The following LRP2 variants were observed in gnomAD, a reference collection of about 807,000 sequenced individuals.
LRP2 encodes low-density lipoprotein receptor-related protein 2.
In LRP2, 172 loss-of-function variants were observed where a neutral mutation model predicts 531.0. The observed-to-expected ratio is 0.32, with a 90% CI of 0.29 to 0.37. The LOEUF is 0.37. Among genes scored for constraint, LRP2 ranks in the 10% least tolerant of loss-of-function variants. LRP2 has a pLI of 1.00. For synonymous variants in LRP2, 1,992 were observed against 2,027.6 expected (o/e 0.98, Z 0.47); for missense variants, 5,167 against 5,868.3 (o/e 0.88, Z 3.90).
chr2:169,348,295 G>T (rs753487334), intron 1 of LRP2, among the ~76,000 whole-genome samples: 2 of 152,142 alleles, frequency 1.3e-5, no homozygotes, highest in Non-Finnish European at 2.9e-5. Context: ...GTTACGTATG[G>T]AGTCCTCAAA....
At chr2:169,279,671 T>A in intron 11 of LRP2, 76 bp from the exon 12 acceptor site, 1 of 885,298 alleles carries the variant, frequency 1.1e-6, no homozygotes, top group Non-Finnish European at 1.8e-6. Flanking sequence ...TTTTTAGCTA[T>A]AATCAAATCA....
chr2:169,247,176 T>C (rs1196470185), intron 20 of LRP2, among the ~76,000 whole-genome samples, 190 bp from the exon 21 acceptor site: 1 of 152,106 alleles, frequency 6.6e-6, no homozygotes, highest in East Asian at 1.9e-4. Flanking sequence ...CCAAAATGTG[T>C]TTTTCCTGAC....
chr2:169,320,798 C>A lies in LRP2; in HGVS notation c.166G>T (p.Asp56Tyr). Reference protein sequence around the residue: ...RCDGTKDCSDDADEIGCAVVT... With the variant: ...RCDGTKDCSDYADEIGCAVVT... ...TTACCGCAGCCAATTTCATCCGCGT[C>A]ATCTGAACAGTCTTTGGTCCCATCA... is the stretch of plus-strand genomic sequence containing the variant. The change falls in exon 2 of 79, where the codon GAC (aspartate) becomes TAC (tyrosine). Residue 56 changes from aspartate to tyrosine, a missense_variant. By Grantham distance (160) the Asp-to-Tyr change is radical. Around this residue, in one of 6 missense-constraint regions of LRP2, gnomAD observed 2,811 missense variants for 3,058.0 expected, o/e 0.92. Coordinates refer to ENST00000649046, the MANE Select transcript of LRP2 (RefSeq NM_004525.3). 6 of 1,614,144 alleles carry A rather than the reference C, an allele frequency of 3.7e-6. No individual in the cohort carries two copies. The highest frequency in any genetic ancestry group is 5.1e-6 in the Non-Finnish European group (6 of 1,179,976).
At chr2:169,255,626 A>C (rs1407076276) in intron 19 of LRP2, among the ~76,000 whole-genome samples, 1 of 152,222 alleles carries the variant, frequency 6.6e-6, no homozygotes, top group Non-Finnish European at 1.5e-5. Flanking sequence ...AAAAAGTTTC[A>C]AAGTCATTCA....
chr2:169,176,887 C>T (rs530419378), intron 53 of LRP2, among the ~76,000 whole-genome samples: 3 of 152,248 alleles, frequency 2.0e-5, no homozygotes, highest in Non-Finnish European at 2.9e-5. Flanking sequence ...GTAAACTTAG[C>T]TTATGTTCAT....
intron 52 of LRP2, 74 bp downstream of exon 52, chr2:169,181,374 T>C (rs1056361608): frequency 1.2e-4 from 178 of 1,459,102 alleles, no homozygotes; most frequent in Middle Eastern, 1.8e-4. Context: ...AGGGGACTAA[T>C]AGACTGGAAT....
chr2:169,203,820 C>A (rs1329044084), intron 42 of LRP2, among the ~76,000 whole-genome samples, 162 bp downstream of exon 42: 1 of 152,172 alleles, frequency 6.6e-6, no homozygotes, highest in East Asian at 1.9e-4. Flanking sequence ...AAGAAGCCTG[C>A]CAAGTCTTCC....
chr2:169,261,402 T>A (rs1690544745), intron 16 of LRP2, among the ~76,000 whole-genome samples: 1 of 151,870 alleles, frequency 6.6e-6, no homozygotes, highest in Admixed American at 6.6e-5. Context: ...CATAGCCCAC[T>A]GCAGCCTCAA....
chr2:169,257,167 T>G lies in LRP2; in HGVS notation c.2596A>C (p.Asn866His). 6.2e-7 allele frequency: 1 copy of G among 1,612,962 alleles called. No individual in the cohort carries two copies. Residue 866 changes from asparagine to histidine, a missense_variant, in exon 18 of 79, where the codon AAC (asparagine) becomes CAC (histidine). This residue lies in a region of LRP2 where 2,811 missense variants were observed against 3,058.0 expected (regional missense o/e 0.92). Coordinates refer to ENST00000649046, the MANE Select transcript of LRP2 (RefSeq NM_004525.3). Reference sequence around the variant, plus strand: ...CCATTGGGCCATCCAAGAGTAGTGTTTATTACAGGCAAGAGGTGAGATCCG... The same window carrying G: ...CCATTGGGCCATCCAAGAGTAGTGTGTATTACAGGCAAGAGGTGAGATCCG... ...SDGSHLLPVI[N>H]TTLGWPNGLA...
At chr2:169,271,158 T>G in intron 15 of LRP2, 51 bp from the exon 16 acceptor site, 2 of 1,275,294 alleles carry the variant, frequency 1.6e-6, no homozygotes, top group Non-Finnish European at 2.3e-6. Flanking sequence ...TTCTTTTCTC[T>G]CCTCCCAAAT....
Position 169,312,297 on chromosome 2 carries a change from T to A in LRP2, c.311-4900A>T, listed in dbSNP as rs1167738149. ...TAGTTGATGCAGTTTCTTCCTAGCCTTGATGGTCTTTAGAATTTGGCATGT... is the reference window on the plus strand; with the variant it reads ...TAGTTGATGCAGTTTCTTCCTAGCCATGATGGTCTTTAGAATTTGGCATGT... On this transcript the variant is annotated intron_variant, in intron 3 of 78. Transcript: ENST00000649046. Among the ~76,000 whole-genome samples, 39 of 152,168 alleles carry A rather than the reference T, an allele frequency of 2.6e-4. No homozygotes were observed. The East Asian group carries it at 7.2e-3, about 28-fold the overall frequency.
chr2:169,293,104 G>A (rs952097616), intron 6 of LRP2, among the ~76,000 whole-genome samples: 5 of 152,084 alleles, frequency 3.3e-5, no homozygotes, highest in Non-Finnish European at 7.4e-5. Context: ...GGGTGATATC[G>A]AAAATATTTA....
rs1685166638 is a variant in LRP2, at chr2:169,128,328, A to G, written c.*335T>C. On this transcript the variant is annotated 3_prime_UTR_variant, in exon 79 of 79. Transcript: ENST00000649046. ...AATTCCTTTTCTTGTTGGATCATTT[A>G]CTATAATGATCACCAACCAAATCAG... 1 of 219,628 alleles carries G rather than the reference A, an allele frequency of 4.6e-6. No homozygotes were observed. Among genetic ancestry groups the G allele is most frequent in the Non-Finnish European group, 9.1e-6 (1 of 109,514 alleles). The allele number at this position is 219,628 out of a possible 1,614,324, so 13.6% of individuals were successfully genotyped here. A position where few individuals can be genotyped will look rare whatever the true frequency, so the allele number is the denominator to read the frequency against.
intron 13 of LRP2, among the ~76,000 whole-genome samples, chr2:169,276,664 C>T (rs1178647802): frequency 6.6e-6 from 1 of 151,898 alleles, no homozygotes; most frequent in African/African-American, 2.4e-5. Context: ...AATGGAAATA[C>T]AAGAGGAAAC....
chr2:169,136,318 A>C (rs1030195519), intron 76 of LRP2, among the ~76,000 whole-genome samples: 8 of 148,998 alleles, frequency 5.4e-5, no homozygotes, highest in South Asian at 2.1e-4. Context: ...CCACCCCCCC[A>C]AAAATTTTTT....
rs1294933425 is a variant in LRP2 at position 169,282,964 on chromosome 2, C to G, written c.1080G>C (p.Gln360His). ...GACGGCCAGGTCGGCTTTCACACTT[C>G]TGGTCACAAATTCCCCATATCTGGC... The part of the protein sequence containing the change: ...DDCQIWGICD[Q>H]KCESRPGRHL... The change falls in exon 10 of 79, where the codon CAG becomes CAC. Residue 360 changes from glutamine (Q) to histidine (H), a missense_variant. Physicochemically the swap from Gln to His is conservative, Grantham distance 24. Transcript: ENST00000649046. 1.2e-6 allele frequency: 2 copies of G among 1,614,134 alleles called. No homozygotes were observed. Among genetic ancestry groups the G allele is most frequent in the East Asian group, 2.2e-5 (1 of 44,872 alleles).
intron 77 of LRP2, 84 bp downstream of exon 77, chr2:169,132,490 C>G: frequency 7.5e-6 from 6 of 801,436 alleles, no homozygotes; most frequent in Non-Finnish European, 1.1e-5. Context: ...CAGAATCTCC[C>G]TTGTTTGCTT....
chr2:169,280,210 G>A (rs558850016), intron 11 of LRP2, 140 bp downstream of exon 11: 23 of 845,178 alleles, frequency 2.7e-5, no homozygotes, highest in African/African-American at 2.7e-4. Flanking sequence ...GCATGGAAAA[G>A]GTGCTGATTA....
At chr2:169,302,798 C>A (rs752949883) in intron 4 of LRP2, among the ~76,000 whole-genome samples, 14 of 150,984 alleles carry the variant, frequency 9.3e-5, no homozygotes, top group Non-Finnish European at 1.5e-4. Context: ...TAGAAGGAAA[C>A]CCCATAAATT....
Sources: allele counts gnomAD v4.1 joint callset (sites outside exome capture counted in the v4.1 genomes callset), GRCh38; gene constraint gnomAD v4.1.1; regional missense constraint gnomAD v4.1.1; transcripts MANE v1.5; gene names NCBI Gene and HGNC (gene_info 2026-07-23, HGNC 2026-07-21).